Variants in MED12L observed in about 807,000 individuals in gnomAD.
The protein encoded by MED12L is mediator complex subunit 12L, also known as mediator of RNA polymerase II transcription subunit 12-like protein.
In MED12L, 60 loss-of-function variants were observed where a neutral mutation model predicts 281.3. The observed-to-expected ratio is 0.21, with a 90% CI of 0.17 to 0.26. The LOEUF (loss-of-function observed/expected upper bound fraction) is 0.26, where lower values mean the gene tolerates loss of function less well. Ranked by LOEUF, MED12L falls within the 10% of genes least tolerant of loss-of-function variation. The pLI is 1.00. For synonymous variants in MED12L, 974 were observed against 987.2 expected, an observed-to-expected ratio of 0.99 and a Z score of 0.25; for missense variants, 2,146 against 2,680.9, an observed-to-expected ratio of 0.80 and a Z score of 4.41.
chr3:151,121,980 C>T (rs1046709974), intron 3 of MED12L, among the ~76,000 whole-genome samples: 7 of 152,236 alleles, frequency 4.6e-5, no homozygotes, highest in East Asian at 3.9e-4. Flanking sequence ...TCCCAAAGTG[C>T]CGTGATTACA....
intron 2 of MED12L, among the ~76,000 whole-genome samples, chr3:151,097,362 A>G (rs909150697): frequency 1.3e-5 from 2 of 152,218 alleles, no homozygotes; most frequent in Non-Finnish European, 2.9e-5. Context: ...ATCTTACTAT[A>G]ACATATGCAT....
chr3:151,217,506 G>A (rs1167353417), intron 16 of MED12L, among the ~76,000 whole-genome samples: 1 of 152,192 alleles, frequency 6.6e-6, no homozygotes, highest in Non-Finnish European at 1.5e-5. Context: ...TTTGCCTCCT[G>A]AAATGGAGTG....
At chr3:151,329,621 T>A in intron 16 of MED12L, 1 of 822,162 alleles carries the variant, frequency 1.2e-6, no homozygotes, top group South Asian at 1.7e-5. Flanking sequence ...TGTGACCCAT[T>A]AGAACCTCTT....
intron 16 of MED12L, chr3:151,294,971 A>G (rs779523884): frequency 1.2e-6 from 2 of 1,613,912 alleles, no homozygotes; most frequent in Non-Finnish European, 1.7e-6. Context: ...TGGAAATGTC[A>G]GCGTCATTAT....
intron 40 of MED12L, among the ~76,000 whole-genome samples, chr3:151,410,374 A>G (rs1357772675): frequency 6.6e-6 from 1 of 152,236 alleles, no homozygotes; most frequent in African/African-American, 2.4e-5. Flanking sequence ...AAAAGCCCAC[A>G]TTGGCCTACA....
Position 151,413,221 on chromosome 3 carries a change from C to A in MED12L, c.6223C>A (p.Pro2075Thr). Residue 2075 changes from proline (P) to threonine (T), a missense_variant, in exon 42 of 45, where the codon CCC (proline) becomes ACC (threonine). This residue lies in a region of MED12L where 496 missense variants were observed against 512.0 expected (regional missense o/e 0.97). Coordinates refer to ENST00000687756, the MANE Select transcript of MED12L (RefSeq NM_001393769.1). The part of the protein sequence containing the change: ...AVLTSAHPNL[P>T]SVPLPQDPMR... ...GCTGACTTCTGCACATCCAAACCTT[C>A]CCTCCGTGCCCCTGCCTCAGGATCC... 1 of 1,614,188 alleles carries A rather than the reference C, an allele frequency of 6.2e-7. No homozygotes were observed.
Position 151,186,244 on chromosome 3 carries a change from C to T in MED12L, c.1626+783C>T, listed in dbSNP as rs116098025. 6.2e-3 allele frequency among the ~76,000 whole-genome samples: 943 copies of T among 152,276 alleles called. 9 individuals are homozygous for T. Among genetic ancestry groups the T allele is most frequent in the African/African-American group, 0.022 (913 of 41,564 alleles). On this transcript the variant is annotated intron_variant, in intron 12 of 44. Coordinates refer to ENST00000687756, the MANE Select transcript of MED12L (RefSeq NM_001393769.1). ...TGCCTGTGACTGTTAGCAGGGATGGCTATGGGGAATGTGTGTATATCATCT... is the reference window on the plus strand; with the variant it reads ...TGCCTGTGACTGTTAGCAGGGATGGTTATGGGGAATGTGTGTATATCATCT...
In MED12L at chr3:151,436,557, A is replaced by AT; in HGVS notation, c.*3757dup. 4.8e-6 allele frequency: 3 copies of AT among 630,582 alleles called. No individual in the cohort carries two copies. Among genetic ancestry groups the AT allele is most frequent in the African/African-American group, 3.7e-5 (2 of 54,424 alleles). The allele number at this position is 630,582 out of a possible 1,614,324, so 39.1% of individuals were successfully genotyped here. A position where few individuals can be genotyped will look rare whatever the true frequency, so the allele number is the denominator to read the frequency against. On this transcript the variant is annotated 3_prime_UTR_variant, in exon 45 of 45. Transcript: ENST00000687756. Reference sequence around the variant, plus strand: ...AATGCATTTATTTACAAGTCCTTTTATTTTGCATGTTCATTGTAAATTTAA... The same window carrying AT: ...AATGCATTTATTTACAAGTCCTTTTATTTTTGCATGTTCATTGTAAATTTAA...
intron 16 of MED12L, chr3:151,213,348 G>T (rs1477505090): frequency 6.2e-7 from 1 of 1,612,730 alleles, no homozygotes; most frequent in Non-Finnish European, 8.5e-7. Flanking sequence ...TTTTGATTCT[G>T]GAAATGTCTA....
chr3:151,237,015 G>A (rs1345585865), intron 16 of MED12L, among the ~76,000 whole-genome samples: 2 of 150,198 alleles, frequency 1.3e-5, no homozygotes, highest in African/African-American at 2.4e-5. Context: ...AGGACAGCAT[G>A]AATGTTAAAC....
chr3:151,356,225 C>T (rs976375536), intron 19 of MED12L, among the ~76,000 whole-genome samples, 186 bp downstream of exon 19: 3 of 151,942 alleles, frequency 2.0e-5, no homozygotes. Context: ...CTTAGTGAGA[C>T]CCCATCTCCA....
chr3:151,241,624 GTATA>G (rs997319387), intron 16 of MED12L, among the ~76,000 whole-genome samples: 1 of 151,930 alleles, frequency 6.6e-6, no homozygotes, highest in African/African-American at 2.4e-5. Context: ...ATGTGTGTGT[GTATA>G]TACACACACA....
intron 37 of MED12L, 65 bp downstream of exon 37, chr3:151,388,237 A>G: frequency 1.3e-6 from 2 of 1,512,384 alleles, no homozygotes; most frequent in South Asian, 1.3e-5. Context: ...ACTCGTGCCC[A>G]AATCATATCC....
intron 16 of MED12L, among the ~76,000 whole-genome samples, chr3:151,243,027 T>C (rs971143966): frequency 6.6e-5 from 10 of 151,114 alleles, no homozygotes; most frequent in African/African-American, 2.2e-4. Flanking sequence ...CGATGGAAGA[T>C]GAAATGAATG....
At chr3:151,178,639 C>G (rs1371402173) in intron 11 of MED12L, among the ~76,000 whole-genome samples, 4 of 152,126 alleles carry the variant, frequency 2.6e-5, no homozygotes, top group African/African-American at 9.7e-5. Context: ...GCTGAGTGAC[C>G]TTGGACAAGT....
intron 43 of MED12L, among the ~76,000 whole-genome samples, chr3:151,420,008 C>G (rs1264608499): frequency 6.6e-6 from 1 of 152,212 alleles, no homozygotes; most frequent in Non-Finnish European, 1.5e-5. Flanking sequence ...GCTACCCATT[C>G]TGTATTCCCT....
chr3:151,240,173 A>G (rs1436892424), intron 16 of MED12L, among the ~76,000 whole-genome samples: 1 of 152,078 alleles, frequency 6.6e-6, no homozygotes, highest in Non-Finnish European at 1.5e-5. Flanking sequence ...TAGAGTGTAG[A>G]TTACTTAAGG....
At chr3:151,253,612 TCA>T (rs1737250347) in intron 16 of MED12L, among the ~76,000 whole-genome samples, 1 of 152,168 alleles carries the variant, frequency 6.6e-6, no homozygotes, top group Non-Finnish European at 1.5e-5. Flanking sequence ...TTGTACTGTA[TCA>T]CAGATGGTGA....
chr3:151,169,899 G>A (rs1721213789), intron 11 of MED12L, among the ~76,000 whole-genome samples: 1 of 152,210 alleles, frequency 6.6e-6, no homozygotes, highest in South Asian at 2.1e-4. Flanking sequence ...GGTAGGCCTA[G>A]GCCCCAGGTT....
Sources: gnomAD v4.1 joint callset for allele counts (sites outside exome capture counted in the v4.1 genomes callset) on GRCh38, gnomAD v4.1.1 for gene constraint, gnomAD v4.1.1 regional missense constraint, MANE v1.5 for transcripts, NCBI Gene and HGNC (gene_info 2026-07-23, HGNC 2026-07-21) for gene names.